ANKFN1: variants seen among roughly 807,000 people sequenced by gnomAD.
ANKFN1 encodes the protein ankyrin repeat and fibronectin type III domain containing 1, also known as ankyrin repeat and fibronectin type-III domain-containing protein 1.
A neutral mutation model predicts 108.7 loss-of-function variants in ANKFN1; 74 were observed. The ratio of observed to expected loss-of-function variants is 0.68; its 90% CI spans 0.56 to 0.83. The LOEUF is 0.83. Ranked by LOEUF, ANKFN1 falls within the 40% of genes least tolerant of loss-of-function variation. The pLI is 0.00. For missense variants in ANKFN1, 1,505 were observed against 1,382.3 expected (o/e 1.09, Z -1.41); for synonymous variants, 547 against 516.2 (o/e 1.06, Z -0.81).
At chr17:56,417,941 T>C (rs891749814) in intron 8 of ANKFN1, among the ~76,000 whole-genome samples, 1 of 152,214 alleles carries the variant, frequency 6.6e-6, no homozygotes, top group Non-Finnish European at 1.5e-5. Flanking sequence ...CTTCGTCTTT[T>C]CTACATGAGT....
intron 1 of ANKFN1, among the ~76,000 whole-genome samples, chr17:56,198,322 T>A (rs67834320): frequency 0.31 from 47,483 of 152,102 alleles, 8,986 homozygotes; most frequent in East Asian, 0.51. Context: ...ATGAAACTGT[T>A]CCACCTCATG....
At chr17:56,299,291 C>T (rs78308281) in intron 3 of ANKFN1, among the ~76,000 whole-genome samples, 4,363 of 152,196 alleles carry the variant, frequency 0.029, 91 homozygotes, top group African/African-American at 0.057. Flanking sequence ...CTCTCCAATA[C>T]CTTCCAGTGT....
chr17:56,470,757 C>T (rs570217176), intron 15 of ANKFN1, among the ~76,000 whole-genome samples: 1 of 152,290 alleles, frequency 6.6e-6, no homozygotes, highest in Admixed American at 6.5e-5. Flanking sequence ...AATTCCTGAC[C>T]TTCTCAAATC....
Position 56,466,513 on chromosome 17 carries a change from A to T in ANKFN1, c.1715A>T (p.Lys572Met), listed in dbSNP as rs1280408434. The change falls in exon 15 of 21, where the codon AAG becomes ATG. Residue 572 changes from lysine (K) to methionine (M), a missense_variant. Coordinates refer to ENST00000682825, the MANE Select transcript of ANKFN1 (RefSeq NM_001370326.1). The part of the protein sequence containing the change: ...MQISKLQSQR[K>M]SLSTPEEPTA... ...ATCTCAAAGCTGCAAAGCCAGAGAA[A>T]GTCTCTATCAACACCTGAGGAGCCA... is the stretch of plus-strand genomic sequence containing the variant. 3 of 1,613,982 alleles carry T rather than the reference A, an allele frequency of 1.9e-6. No individual in the cohort carries two copies. The highest frequency in any genetic ancestry group is 2.5e-6 in the Non-Finnish European group (3 of 1,179,992).
chr17:56,259,917 C>A (rs1179829864), intron 3 of ANKFN1, among the ~76,000 whole-genome samples: 1 of 150,476 alleles, frequency 6.6e-6, no homozygotes, highest in Non-Finnish European at 1.5e-5. Context: ...CAAACACACA[C>A]ACACACACAC....
intron 8 of ANKFN1, among the ~76,000 whole-genome samples, chr17:56,383,238 A>G (rs2047158905): frequency 6.6e-6 from 1 of 152,222 alleles, no homozygotes; most frequent in Non-Finnish European, 1.5e-5. Context: ...TACTGGGTAC[A>G]TAACGAAATG....
intron 6 of ANKFN1, among the ~76,000 whole-genome samples, chr17:56,369,784 C>T (rs74423547): frequency 3.9e-5 from 6 of 152,112 alleles, no homozygotes; most frequent in Non-Finnish European, 7.4e-5. Context: ...GTTTGCTTGC[C>T]GAAATGGTTG....
At chr17:56,318,790 T>TCAGG (rs1567909541) in intron 3 of ANKFN1, among the ~76,000 whole-genome samples, 2 of 152,226 alleles carry the variant, frequency 1.3e-5, no homozygotes, top group African/African-American at 4.8e-5. Context: ...GAGTTAGGAC[T>TCAGG]ACTCATCCTA....
intron 4 of ANKFN1, among the ~76,000 whole-genome samples, chr17:56,132,192 G>A (rs950461583): frequency 3.3e-5 from 5 of 152,136 alleles, no homozygotes; most frequent in Non-Finnish European, 7.4e-5. Context: ...GTCCAGCCTC[G>A]TTGCTCTCAA....
chr17:56,140,551 C>T (rs919247317), intron 4 of ANKFN1, among the ~76,000 whole-genome samples: 4 of 152,130 alleles, frequency 2.6e-5, no homozygotes, highest in Admixed American at 1.3e-4. Flanking sequence ...CTTCTTTTCC[C>T]TTCCATGATG....
In ANKFN1 at chr17:56,442,868, C is replaced by T. The variant is rs1448778167; in HGVS notation, c.1034C>T (p.Ser345Leu). The change falls in exon 10 of 21, where the codon TCG becomes TTG. Residue 345 changes from serine (S) to leucine (L), a missense_variant. Transcript: ENST00000682825. ...GGCCAACAGTATTTTGTTCAAGTCT[C>T]GGCTTACAATATGAAAGGATGGGGA... The part of the protein sequence containing the change: ...TMGQQYFVQV[S>L]AYNMKGWGPA... 3.1e-6 allele frequency: 5 copies of T among 1,613,768 alleles called. No homozygotes were observed. The highest frequency in any genetic ancestry group is 1.7e-4 in the Middle Eastern group (1 of 6,058).
intron 1 of ANKFN1, among the ~76,000 whole-genome samples, chr17:56,197,593 G>A (rs997557512): frequency 6.6e-6 from 1 of 152,104 alleles, no homozygotes; most frequent in Non-Finnish European, 1.5e-5. Flanking sequence ...GGCTCCTGGC[G>A]TCTCTGGATG....
At chr17:56,468,138 C>A (rs971731244) in intron 15 of ANKFN1, among the ~76,000 whole-genome samples, 1 of 152,192 alleles carries the variant, frequency 6.6e-6, no homozygotes, top group Non-Finnish European at 1.5e-5. Flanking sequence ...CAGTTCAGAT[C>A]TTCTGATTGC....
chr17:56,104,548 C>A (rs762601309), intron 4 of ANKFN1, among the ~76,000 whole-genome samples: 77 of 152,196 alleles, frequency 5.1e-4, no homozygotes, highest in Non-Finnish European at 1.0e-3. Flanking sequence ...GAAGCATAGT[C>A]CCCTGTGGGT....
chr17:56,433,012 T>C (rs1400458913), intron 8 of ANKFN1, among the ~76,000 whole-genome samples: 1 of 152,178 alleles, frequency 6.6e-6, no homozygotes, highest in East Asian at 1.9e-4. Context: ...AGATTATATG[T>C]GCATATAATT....
At chr17:56,344,116 A>T (rs149232300) in intron 4 of ANKFN1, among the ~76,000 whole-genome samples, 1 of 151,992 alleles carries the variant, frequency 6.6e-6, no homozygotes, top group Non-Finnish European at 1.5e-5. Flanking sequence ...CGTATGGGAC[A>T]TAGTTTCTGT....
intron 17 of ANKFN1, 140 bp downstream of exon 17, chr17:56,480,958 C>A: frequency 9.8e-7 from 1 of 1,016,392 alleles, no homozygotes; most frequent in Non-Finnish European, 1.4e-6. Context: ...TTTGCAAGTG[C>A]ATGCACATTT....
At chr17:56,497,143 T>G (rs998407270) in intron 19 of ANKFN1, among the ~76,000 whole-genome samples, 5 of 152,144 alleles carry the variant, frequency 3.3e-5, no homozygotes, top group African/African-American at 1.2e-4. Context: ...TTGCATGAGG[T>G]AGGGCCAGTA....
chr17:56,324,482 C>A (rs2045460880), intron 3 of ANKFN1, among the ~76,000 whole-genome samples: 2 of 152,126 alleles, frequency 1.3e-5, no homozygotes, highest in Admixed American at 1.3e-4. Context: ...TAACTCATGA[C>A]CCCTGTGAGG....
Sources: gnomAD v4.1 joint callset for allele counts (sites outside exome capture counted in the v4.1 genomes callset) on GRCh38, gnomAD v4.1.1 for gene constraint, MANE v1.5 for transcripts, NCBI Gene and HGNC (gene_info 2026-07-23, HGNC 2026-07-21) for gene names.